The following SSH1 variants were observed in gnomAD, a reference collection of about 807,000 sequenced individuals.
SSH1 encodes protein phosphatase Slingshot homolog 1.
A neutral mutation model predicts 79.7 loss-of-function variants in SSH1; 43 were observed. The ratio of observed to expected loss-of-function variants is 0.54; its 90% confidence interval spans 0.42 to 0.70. SSH1 has a LOEUF of 0.70. Among genes scored for constraint, SSH1 ranks in the 30% least tolerant of loss-of-function variants. The pLI is 0.00. For missense variants in SSH1, 1,206 were observed against 1,358.8 expected (o/e 0.89, Z 1.77); for synonymous variants, 599 against 538.3 (o/e 1.11, Z -1.56).
chr12:108,852,728 G>C (rs372740490), intron 1 of SSH1, 50 bp from the exon 2 acceptor site: 1 of 1,612,598 alleles, frequency 6.2e-7, no homozygotes, highest in Non-Finnish European at 8.5e-7. Context: ...CTGTCAACAC[G>C]CCTCGGGCGG....
chr12:108,789,126 G>C lies in SSH1; in HGVS notation c.2012C>G (p.Pro671Arg), dbSNP rs2036394909. The change falls in exon 15 of 15, where the codon CCC becomes CGC. Residue 671 changes from proline to arginine, a missense_variant. Around this residue, in one of 5 missense-constraint regions of SSH1, gnomAD observed 709 missense variants for 730.6 expected, o/e 0.97. Transcript: ENST00000326495. ...PEASRERCED[P>R]NAPAICTQPA... The stretch of plus-strand genomic sequence containing the variant: ...CTGGGTGCAGATGGCGGGAGCATTG[G>C]GGTCCTCACATCGCTCCCTGGAGGC... 6.8e-6 allele frequency: 11 copies of C among 1,613,904 alleles called. 1 individual carries two copies. The East Asian group carries it at 2.5e-4, about 36-fold the overall frequency.
intron 14 of SSH1, among the ~76,000 whole-genome samples, chr12:108,789,800 G>C (rs1378490361): frequency 6.6e-6 from 1 of 152,160 alleles, no homozygotes; most frequent in Admixed American, 6.5e-5. Flanking sequence ...CACCCCGCCT[G>C]CACAGGACTG....
At chr12:108,808,551 T>A (rs1037815495) in intron 7 of SSH1, among the ~76,000 whole-genome samples, 1 of 152,252 alleles carries the variant, frequency 6.6e-6, no homozygotes, top group South Asian at 2.1e-4. Context: ...TATGTTCATA[T>A]GACCCACATT....
At chr12:108,811,472 A>G (rs1444480059) in intron 5 of SSH1, 144 bp from the exon 6 acceptor site, 4 of 742,750 alleles carry the variant, frequency 5.4e-6, no homozygotes, top group Admixed American at 2.0e-5. Flanking sequence ...TCACTGATGA[A>G]TTCTAGAAGA....
rs1397325653 is a variant in SSH1, at chr12:108,778,456, G to C, written c.*9532C>G. The C allele has an allele frequency of 6.6e-6, 1 of 152,196 alleles. No individual in the cohort carries two copies. Among genetic ancestry groups the C allele is most frequent in the Non-Finnish European group, 1.5e-5 (1 of 68,038 alleles). 9.4% of individuals were successfully genotyped at this position (152,196 alleles called of 1,614,324 possible). On this transcript the variant is annotated 3_prime_UTR_variant, in exon 15 of 15. Coordinates refer to ENST00000326495, the MANE Select transcript of SSH1 (RefSeq NM_018984.4). ...TCCCAGCCTCTGCCCCTTCCTGGCT[G>C]TGTGTCCCTGACCCACGTTACCTAA... is the stretch of plus-strand genomic sequence containing the variant.
At chr12:108,812,814 A>G (rs1156637366) in intron 5 of SSH1, among the ~76,000 whole-genome samples, 1 of 151,956 alleles carries the variant, frequency 6.6e-6, no homozygotes, top group East Asian at 1.9e-4. Context: ...ATGATTAACA[A>G]TAAGATTTCT....
At chr12:108,806,229 T>A (rs1166690928) in intron 9 of SSH1, 72 bp downstream of exon 9, 1 of 1,435,252 alleles carries the variant, frequency 7.0e-7, no homozygotes, top group African/African-American at 1.4e-5. Context: ...CTGCTTTTGC[T>A]GCACTTTCGG....
chr12:108,834,610 G>T (rs2038553677), intron 2 of SSH1, among the ~76,000 whole-genome samples: 1 of 152,202 alleles, frequency 6.6e-6, no homozygotes, highest in Admixed American at 6.5e-5. Context: ...CTCGGCAAAG[G>T]CGGGGGTCCT....
Position 108,857,542 on chromosome 12 carries a change from C to G in SSH1, c.-46G>C. On this transcript the variant is annotated 5_prime_UTR_variant, in exon 1 of 15. Coordinates refer to ENST00000326495, the MANE Select transcript of SSH1 (RefSeq NM_018984.4). This position sits in a 1 kb window ranked among gnomAD's most constrained non-coding sequence, Gnocchi z 4.7. ...GCGCCACAGACGTCTCGAGCTAGAG[C>G]CGCCACCGCCACCGCCGCCCGGGCC... 9.9e-7 allele frequency: 1 copy of G among 1,007,482 alleles called. No individual in the cohort carries two copies. Among genetic ancestry groups the G allele is most frequent in the South Asian group, 3.2e-5 (1 of 31,198 alleles). The allele number at this position is 1,007,482 out of a possible 1,614,324, so 62.4% of individuals were successfully genotyped here.
At chr12:108,798,909 C>T (rs1054760800) in intron 13 of SSH1, 91 bp downstream of exon 13, 19 of 1,459,958 alleles carry the variant, frequency 1.3e-5, no homozygotes, top group Non-Finnish European at 1.4e-5. Flanking sequence ...CGAATGGGAG[C>T]ATGCTCTGCT....
intron 3 of SSH1, among the ~76,000 whole-genome samples, chr12:108,819,105 C>G (rs931193224): frequency 1.3e-5 from 2 of 152,136 alleles, no homozygotes; most frequent in African/African-American, 4.8e-5. Flanking sequence ...ATTTCCATAA[C>G]CGGGGGGGCG....
chr12:108,809,555 C>A, intron 7 of SSH1, 138 bp downstream of exon 7: 3 of 730,326 alleles, frequency 4.1e-6, no homozygotes, highest in Non-Finnish European at 7.5e-6. Flanking sequence ...AAATGATAAA[C>A]TTTATGTTAC....
chr12:108,812,561 G>A (rs892525707), intron 5 of SSH1, among the ~76,000 whole-genome samples: 13 of 152,240 alleles, frequency 8.5e-5, no homozygotes, highest in Admixed American at 8.5e-4. Flanking sequence ...CGGAGGTCAA[G>A]GGGGCAGGGA....
rs2036210594 is a variant in SSH1 at position 108,784,257 on chromosome 12, T to A, written c.*3731A>T. ...GTCCAGGGCCGTGCTGAGGGTCTGT[T>A]CTGTTCAAGCTCAGCTCCACACTGC... is the stretch of plus-strand genomic sequence containing the variant. On this transcript the variant is annotated 3_prime_UTR_variant, in exon 15 of 15. Coordinates refer to ENST00000326495, the MANE Select transcript of SSH1 (RefSeq NM_018984.4). 1 of 152,266 alleles carries A rather than the reference T, an allele frequency of 6.6e-6. No individual in the cohort carries two copies. The highest frequency in any genetic ancestry group is 2.1e-4 in the South Asian group (1 of 4,838). The allele number at this position is 152,266 out of a possible 1,614,324, so 9.4% of individuals were successfully genotyped here. A position where few individuals can be genotyped will look rare whatever the true frequency, so the allele number is the denominator to read the frequency against.
chr12:108,809,575 G>T, intron 7 of SSH1, 118 bp downstream of exon 7: 1 of 814,182 alleles, frequency 1.2e-6, no homozygotes. Context: ...CATGTATTTT[G>T]CGCCTCCCTC....
chr12:108,843,206 G>C (rs1051826791), intron 2 of SSH1, among the ~76,000 whole-genome samples: 1 of 152,140 alleles, frequency 6.6e-6, no homozygotes. Flanking sequence ...GATGAGGACA[G>C]AGGGGTCTTG....
At chr12:108,793,867 C>T (rs1290172259) in intron 13 of SSH1, among the ~76,000 whole-genome samples, 1 of 152,224 alleles carries the variant, frequency 6.6e-6, no homozygotes, top group Admixed American at 6.5e-5. Context: ...ATCCTCTCTG[C>T]TCGGTGTGCA....
At chr12:108,829,313 T>C (rs1213003522) in intron 2 of SSH1, among the ~76,000 whole-genome samples, 3 of 152,106 alleles carry the variant, frequency 2.0e-5, no homozygotes, top group Admixed American at 2.0e-4. Flanking sequence ...GGCGACAAAG[T>C]GAGACACTGT....
chr12:108,847,700 G>A (rs1414239916), intron 2 of SSH1, among the ~76,000 whole-genome samples: 1 of 152,138 alleles, frequency 6.6e-6, no homozygotes, highest in Non-Finnish European at 1.5e-5. Flanking sequence ...CCAGTGATCC[G>A]TCCCGCCTTG....
Sources: allele counts gnomAD v4.1 joint callset (sites outside exome capture counted in the v4.1 genomes callset), GRCh38; gene constraint gnomAD v4.1.1; regional missense constraint gnomAD v4.1.1; non-coding constraint Gnocchi (gnomAD v3.1); transcripts MANE v1.5; gene names NCBI Gene and HGNC (gene_info 2026-07-23, HGNC 2026-07-21).